IQSEC1: variants seen among roughly 807,000 people sequenced by gnomAD.
IQSEC1 encodes IQ motif and SEC7 domain-containing protein 1.
A neutral mutation model predicts 91.0 loss-of-function variants in IQSEC1; 31 were observed. The ratio of observed to expected loss-of-function variants is 0.34; its 90% CI spans 0.26 to 0.46. The LOEUF is 0.46. Ranked by LOEUF, IQSEC1 falls within the 20% of genes least tolerant of loss-of-function variation. The probability of loss-of-function intolerance (pLI) is 1.00; values close to 1 mark genes in which losing one functional copy is unlikely to be tolerated. For missense variants in IQSEC1, 1,388 were observed against 1,575.6 expected, an observed-to-expected ratio of 0.88 and a Z score of 2.02; for synonymous variants, 699 against 662.6, an observed-to-expected ratio of 1.05 and a Z score of -0.84.
intron 1 of IQSEC1, among the ~76,000 whole-genome samples, chr3:12,946,340 T>G (rs1699179233): frequency 6.6e-6 from 1 of 152,194 alleles, no homozygotes; most frequent in African/African-American, 2.4e-5. Flanking sequence ...GAATTTATTA[T>G]CTCTCTCAGA....
chr3:13,056,634 C>T (rs1241317725), intron 1 of IQSEC1, among the ~76,000 whole-genome samples: 1 of 151,848 alleles, frequency 6.6e-6, no homozygotes, highest in Non-Finnish European at 1.5e-5. Context: ...CTGCTCCCTG[C>T]TGTAACGTCC....
rs866661782 is a variant in IQSEC1, at chr3:13,207,480, G to A, written c.273-43347C>T. 2.6e-5 allele frequency among the ~76,000 whole-genome samples: 4 copies of A among 151,838 alleles called. 1 individual carries two copies. Among genetic ancestry groups the A allele is most frequent in the Middle Eastern group, 6.8e-3 (2 of 294 alleles). ...TCTAACTCTCCCCATGACACAACCCGCCAGAGCACTCTGGCAATGTCACCA... is the reference window on the plus strand; with the variant it reads ...TCTAACTCTCCCCATGACACAACCCACCAGAGCACTCTGGCAATGTCACCA... On this transcript the variant is annotated intron_variant, in intron 1 of 15. Transcript: ENST00000648114. The surrounding 1 kb of genome is among the most constrained non-coding windows in gnomAD (Gnocchi z 4.8).
chr3:12,947,093 G>C (rs1699228250), intron 1 of IQSEC1, among the ~76,000 whole-genome samples: 1 of 152,234 alleles, frequency 6.6e-6, no homozygotes, highest in Non-Finnish European at 1.5e-5. Flanking sequence ...CCTATCAAGA[G>C]CTGGGGCTGT....
At chr3:13,003,150 A>G (rs1702492801) in intron 1 of IQSEC1, among the ~76,000 whole-genome samples, 1 of 152,124 alleles carries the variant, frequency 6.6e-6, no homozygotes, top group Non-Finnish European at 1.5e-5. Context: ...ATTCAGCAGT[A>G]AAAAGGAATG....
intron 2 of IQSEC1, among the ~76,000 whole-genome samples, chr3:13,079,627 A>C (rs960011657): frequency 6.6e-6 from 1 of 152,158 alleles, no homozygotes; most frequent in Admixed American, 6.5e-5. Flanking sequence ...TGGGGCCCCC[A>C]TGGGGAGGAG....
chr3:12,995,109 A>C (rs971816658), intron 1 of IQSEC1: 1 of 152,270 alleles, frequency 6.6e-6, no homozygotes, highest in African/African-American at 2.4e-5. Context: ...CGAGGGCGTC[A>C]GGTGGCGGGC....
intron 1 of IQSEC1, among the ~76,000 whole-genome samples, chr3:12,972,712 A>C (rs1037446030): frequency 1.8e-4 from 27 of 152,226 alleles, no homozygotes; most frequent in Non-Finnish European, 1.8e-4. Flanking sequence ...GATGTGCCCC[A>C]GAACTATAAA....
chr3:12,967,359 G>A lies in IQSEC1; in HGVS notation c.24-25494C>T, dbSNP rs1576071153. The A allele has an allele frequency of 2.6e-6, 4 of 1,525,334 alleles. No individual in the cohort carries two copies. The East Asian group carries it at 7.5e-5, about 29-fold the overall frequency. 94.5% of individuals were successfully genotyped at this position (1,525,334 alleles called of 1,614,324 possible). ...CAGCCCACCGCTCAGCACCCGGGAA[G>A]GCCGCTCGCCCCGCGCCGCGCCCTC... On this transcript the variant is annotated intron_variant, in intron 1 of 13. Transcript: ENST00000613206. The surrounding 1 kb of genome is among the most constrained non-coding windows in gnomAD (Gnocchi z 5.9).
chr3:12,942,888 C>T (rs1326093324), intron 1 of IQSEC1, among the ~76,000 whole-genome samples: 1 of 152,208 alleles, frequency 6.6e-6, no homozygotes, highest in Admixed American at 6.5e-5. Context: ...AGGAGAAGAC[C>T]ACCTGCAGGC....
intron 1 of IQSEC1, among the ~76,000 whole-genome samples, chr3:13,250,419 C>CTTT (rs201786837): frequency 0.036 from 5,324 of 147,092 alleles, 134 homozygotes; most frequent in Middle Eastern, 0.089. Context: ...GCCCCACTTT[C>CTTT]CTTTTTTTTT....
chr3:13,217,544 C>T (rs1694573789), intron 1 of IQSEC1, among the ~76,000 whole-genome samples: 1 of 152,130 alleles, frequency 6.6e-6, no homozygotes, highest in South Asian at 2.1e-4. Context: ...GGGACTTGCT[C>T]TCCAGAAAGA....
At chr3:13,247,870 T>C (rs1695133786) in intron 1 of IQSEC1, among the ~76,000 whole-genome samples, 1 of 152,158 alleles carries the variant, frequency 6.6e-6, no homozygotes, top group African/African-American at 2.4e-5. Context: ...GTGGGAACCC[T>C]GCCTCCACGG....
chr3:13,165,578 G>GTGTGTCTGTC (rs1377649445), intron 1 of IQSEC1, among the ~76,000 whole-genome samples: 1,579 of 105,426 alleles, frequency 0.015, 43 homozygotes, highest in Middle Eastern at 0.035. Flanking sequence ...GTGTGTGTGT[G>GTGTGTCTGTC]TGTCTGTCTG....
At chr3:13,094,311 T>G (rs538547326) in intron 2 of IQSEC1, among the ~76,000 whole-genome samples, 28 of 152,180 alleles carry the variant, frequency 1.8e-4, no homozygotes, top group African/African-American at 6.7e-4. Flanking sequence ...AGATGAGTGA[T>G]CAGGCATTCC....
At chr3:13,236,776 G>A (rs933220444) in intron 1 of IQSEC1, among the ~76,000 whole-genome samples, 2 of 152,228 alleles carry the variant, frequency 1.3e-5, no homozygotes, top group African/African-American at 4.8e-5. Flanking sequence ...CATCATCTAC[G>A]CTGCCATCAG....
chr3:12,937,776 C>T (rs1698333410), intron 2 of IQSEC1, among the ~76,000 whole-genome samples: 1 of 152,226 alleles, frequency 6.6e-6, no homozygotes, highest in African/African-American at 2.4e-5. Flanking sequence ...GTAAAGCCCC[C>T]AAGCTCCCTT....
rs1295865618 is a variant in IQSEC1, at chr3:12,935,055, C to T, written c.1568+393G>A. The stretch of plus-strand genomic sequence containing the variant: ...CCCCCCACTGACACAACCGGTCATA[C>T]CCCTGCTCAAAGGCCTTTGTGTCCC... On this transcript the variant is annotated intron_variant, in intron 3 of 13. Transcript: ENST00000613206. The surrounding 1 kb of genome is among the most constrained non-coding windows in gnomAD (Gnocchi z 8.0). Among the ~76,000 whole-genome samples the T allele has an allele frequency of 1.6e-5, 2 of 125,558 alleles. No homozygotes were observed. The highest frequency in any genetic ancestry group is 3.5e-5 in the Non-Finnish European group (2 of 57,316). The allele number at this position is 125,558 out of a possible 152,430, so 82.4% of individuals were successfully genotyped here.
Position 12,936,617 on chromosome 3 carries a change from C to T in IQSEC1, c.399G>A (p.Gln133=). The T allele has an allele frequency of 6.2e-7, 1 of 1,612,602 alleles. No individual in the cohort carries two copies. Among genetic ancestry groups the T allele is most frequent in the Non-Finnish European group, 8.5e-7 (1 of 1,179,798 alleles). The change falls in exon 3 of 14, where the codon CAG becomes CAA. Residue 133 remains glutamine (Q), a synonymous_variant. Coordinates refer to ENST00000613206, the MANE Select transcript of IQSEC1 (RefSeq NM_001134382.3). ...AARTIQTAFR[Q]YQMNKNFERL... Reference sequence around the variant, plus strand: ...GCTCGAAGTTCTTGTTCATCTGGTACTGGCGAAACGCCGTCTGGATGGTGC... The same window carrying T: ...GCTCGAAGTTCTTGTTCATCTGGTATTGGCGAAACGCCGTCTGGATGGTGC...
At chr3:13,142,551 C>G (rs915559604) in intron 2 of IQSEC1, among the ~76,000 whole-genome samples, 1 of 152,038 alleles carries the variant, frequency 6.6e-6, no homozygotes, top group African/African-American at 2.4e-5. Context: ...CCTCACCAGC[C>G]TGCTTTCCGA....
Sources: allele counts gnomAD v4.1 joint callset (sites outside exome capture counted in the v4.1 genomes callset), GRCh38; gene constraint gnomAD v4.1.1; non-coding constraint Gnocchi (gnomAD v3.1); transcripts MANE v1.5; gene names NCBI Gene and HGNC (gene_info 2026-07-23, HGNC 2026-07-21).